The following TSPAN15 variants were observed in gnomAD, a reference collection of about 807,000 sequenced individuals.
TSPAN15 encodes the protein tetraspanin-15.
TSPAN15 carries 20 observed loss-of-function variants against 34.5 expected under a neutral mutation model. The observed-to-expected ratio is 0.58, with a 90% CI of 0.41 to 0.84. The LOEUF (loss-of-function observed/expected upper bound fraction) is 0.84. Among genes scored for constraint, TSPAN15 ranks in the 40% least tolerant of loss-of-function variants. The pLI, the probability that TSPAN15 is intolerant of heterozygous loss-of-function variation, is 0.00. For missense variants in TSPAN15, 313 were observed against 386.1 expected, an observed-to-expected ratio of 0.81 and a Z score of 1.59; for synonymous variants, 155 against 153.9, an observed-to-expected ratio of 1.01 and a Z score of -0.05.
At chr10:69,481,356 G>C (rs1368780345) in intron 1 of TSPAN15, among the ~76,000 whole-genome samples, 1 of 152,136 alleles carries the variant, frequency 6.6e-6, no homozygotes, top group Admixed American at 6.5e-5. Flanking sequence ...TCAAACCAAG[G>C]GGAATGGCAC....
chr10:69,460,196 G>A (rs533838565), intron 1 of TSPAN15, among the ~76,000 whole-genome samples: 18 of 152,118 alleles, frequency 1.2e-4, no homozygotes, highest in East Asian at 7.9e-4. Context: ...TGTGCATGTG[G>A]TCTTTTCCAG....
In TSPAN15 at chr10:69,498,376, A is replaced by G. The variant is rs1589651390; in HGVS notation, c.550A>G (p.Thr184Ala). The change falls in exon 5 of 8, where the codon ACC (threonine) becomes GCC (alanine). Residue 184 changes from threonine (T) to alanine (A), a missense_variant. Thr to Ala is a moderately conservative substitution (Grantham distance 58). Coordinates refer to ENST00000373290, the MANE Select transcript of TSPAN15 (RefSeq NM_012339.5). Reference protein sequence around the residue: ...PGPLACGVPYTCCIRNTTEVV... With the variant: ...PGPLACGVPYACCIRNTTEVV... ...ACCCCTGGCCTGTGGGGTGCCCTAC[A>G]CCTGCTGCATCAGGAACACGGTAGA... 1.2e-6 allele frequency: 2 copies of G among 1,613,652 alleles called. No homozygotes were observed. The highest frequency in any genetic ancestry group is 1.7e-6 in the Non-Finnish European group (2 of 1,179,900).
chr10:69,538,190 G>A, the TSPAN15 span, among the ~76,000 whole-genome samples: 7 of 152,180 alleles, frequency 4.6e-5, no homozygotes, highest in Non-Finnish European at 8.8e-5. Flanking sequence ...CAGGAATGGA[G>A]GGGGGAAACA....
the TSPAN15 span, among the ~76,000 whole-genome samples, chr10:69,540,474 A>G: frequency 6.6e-6 from 1 of 152,178 alleles, no homozygotes; most frequent in Admixed American, 6.5e-5. Flanking sequence ...GCAAGGGGGC[A>G]TGAATGTGAG....
downstream of TSPAN15, among the ~76,000 whole-genome samples, chr10:69,509,746 G>A (rs2133176775): frequency 6.6e-6 from 1 of 152,270 alleles, no homozygotes; most frequent in Admixed American, 6.5e-5. Flanking sequence ...AATCCATCTT[G>A]AGTTAATTTT....
At chr10:69,544,336 A>T in the TSPAN15 span, among the ~76,000 whole-genome samples, 1 of 152,262 alleles carries the variant, frequency 6.6e-6, no homozygotes, top group African/African-American at 2.4e-5. Flanking sequence ...CAATTCAAAT[A>T]GCCCAATGTT....
chr10:69,527,626 A>G, the TSPAN15 span, among the ~76,000 whole-genome samples: 25 of 147,598 alleles, frequency 1.7e-4, 3 homozygotes, highest in African/African-American at 5.9e-4. Flanking sequence ...AAGTTTAGGA[A>G]TATGTGTTGG....
chr10:69,473,414 G>A (rs1841546976), intron 1 of TSPAN15, among the ~76,000 whole-genome samples: 1 of 152,186 alleles, frequency 6.6e-6, no homozygotes, highest in Non-Finnish European at 1.5e-5. Flanking sequence ...GGAAGGCATT[G>A]CTGTCCGCTT....
the TSPAN15 span, among the ~76,000 whole-genome samples, chr10:69,528,904 T>C: frequency 6.8e-6 from 1 of 147,830 alleles, no homozygotes; most frequent in African/African-American, 2.5e-5. Context: ...TGGGCAGCCA[T>C]AGGCGGGCCT....
At chr10:69,490,911 A>T (rs1207336270) in intron 3 of TSPAN15, among the ~76,000 whole-genome samples, 1 of 152,208 alleles carries the variant, frequency 6.6e-6, no homozygotes, top group Non-Finnish European at 1.5e-5. Context: ...GAACCCGTGG[A>T]TGTGGAGGGC....
At chr10:69,531,940 C>CA in the TSPAN15 span, among the ~76,000 whole-genome samples, 2,066 of 97,234 alleles carry the variant, frequency 0.021, 45 homozygotes, top group African/African-American at 0.055. Flanking sequence ...CAAAACAAAA[C>CA]AAAAAAAAAA....
chr10:69,464,870 A>G (rs1160362120), intron 1 of TSPAN15, among the ~76,000 whole-genome samples: 1 of 152,234 alleles, frequency 6.6e-6, no homozygotes, highest in Admixed American at 6.5e-5. Flanking sequence ...GTTTCAAACC[A>G]GGAGCTTCCT....
At chr10:69,537,367 T>C in the TSPAN15 span, among the ~76,000 whole-genome samples, 11 of 152,176 alleles carry the variant, frequency 7.2e-5, no homozygotes. Context: ...CATCGTAAAG[T>C]TGAAAAATCA....
At position 69,451,529 on chromosome 10, in the gene TSPAN15, G is replaced by A; in HGVS notation, c.-66G>A. 7.7e-7 allele frequency: 1 copy of A among 1,297,770 alleles called. No individual in the cohort carries two copies. 80.4% of individuals were successfully genotyped at this position (1,297,770 alleles called of 1,614,324 possible). A position where few individuals can be genotyped will look rare whatever the true frequency, so the allele number is the denominator to read the frequency against. ...CCGGCAGCCGCAGGTGGGGCCACGAGCGCTGGCTGAGGGACCGAGCCGGAG... is the reference window on the plus strand; with the variant it reads ...CCGGCAGCCGCAGGTGGGGCCACGAACGCTGGCTGAGGGACCGAGCCGGAG... On this transcript the variant is annotated 5_prime_UTR_variant, in exon 1 of 8. Transcript: ENST00000373290.
At chr10:69,540,579 C>T in the TSPAN15 span, among the ~76,000 whole-genome samples, 1 of 152,132 alleles carries the variant, frequency 6.6e-6, no homozygotes, top group Non-Finnish European at 1.5e-5. Context: ...AATGTGGCAA[C>T]TGAAGTTTTC....
intron 5 of TSPAN15, among the ~76,000 whole-genome samples, chr10:69,499,748 G>A (rs1263454694): frequency 6.6e-6 from 1 of 152,198 alleles, no homozygotes; most frequent in Non-Finnish European, 1.5e-5. Flanking sequence ...TGCAGTTTGG[G>A]ATACTGAGAA....
intron 4 of TSPAN15, among the ~76,000 whole-genome samples, chr10:69,496,411 T>C (rs1354666886): frequency 6.6e-6 from 1 of 151,602 alleles, no homozygotes; most frequent in Admixed American, 6.6e-5. Flanking sequence ...GTGGCTTTTG[T>C]ACATCAACTT....
chr10:69,477,507 T>A (rs1325379937), intron 1 of TSPAN15, among the ~76,000 whole-genome samples: 1 of 152,092 alleles, frequency 6.6e-6, no homozygotes, highest in African/African-American at 2.4e-5. Flanking sequence ...ACTTGTGCTG[T>A]CCAAAATGTG....
chr10:69,503,179 T>C (rs1335001253), intron 5 of TSPAN15, among the ~76,000 whole-genome samples: 1 of 152,162 alleles, frequency 6.6e-6, no homozygotes, highest in African/African-American at 2.4e-5. Context: ...TGGCTGGGAC[T>C]GAGGCTACCT....
Sources: gnomAD v4.1 joint callset for allele counts (sites outside exome capture counted in the v4.1 genomes callset) on GRCh38, gnomAD v4.1.1 for gene constraint, MANE v1.5 for transcripts, NCBI Gene and HGNC (gene_info 2026-07-23, HGNC 2026-07-21) for gene names.